DOCK8: variants seen among roughly 807,000 people sequenced by gnomAD.
DOCK8 encodes dedicator of cytokinesis 8, also known as dedicator of cytokinesis protein 8.
A neutral mutation model predicts 245.6 loss-of-function variants in DOCK8; 141 were observed. That is an observed-to-expected ratio of 0.57 (90% confidence interval 0.50 to 0.66). The LOEUF is 0.66. DOCK8 is among the 30% of genes least tolerant of loss of function. The probability of loss-of-function intolerance (pLI) is 0.00; values close to 1 mark genes in which losing one functional copy is unlikely to be tolerated. For missense variants in DOCK8, 2,965 were observed against 2,603.4 expected (o/e 1.14, Z -3.02); for synonymous variants, 1,168 against 970.2 (o/e 1.20, Z -3.79).
chr9:390,608 G>C, intron 24 of DOCK8, 42 bp downstream of exon 24: 2 of 1,572,314 alleles, frequency 1.3e-6, no homozygotes, highest in Non-Finnish European at 1.8e-6. Context: ...AATAGGCCAA[G>C]AGAAGCACAC....
chr9:443,699 T>C (rs925605996), intron 43 of DOCK8, among the ~76,000 whole-genome samples, 183 bp downstream of exon 43: 3 of 152,220 alleles, frequency 2.0e-5, no homozygotes, highest in Non-Finnish European at 4.4e-5. Flanking sequence ...AAGGCAGGAA[T>C]CATAATAGGA....
intron 4 of DOCK8, among the ~76,000 whole-genome samples, chr9:302,619 T>C (rs1264550662): frequency 2.0e-5 from 3 of 152,148 alleles, no homozygotes; most frequent in Non-Finnish European, 4.4e-5. Flanking sequence ...ATGTCTGATA[T>C]CCAGAATCTA....
At chr9:286,889 C>G (rs949512373) in intron 3 of DOCK8, among the ~76,000 whole-genome samples, 2 of 152,166 alleles carry the variant, frequency 1.3e-5, no homozygotes, top group African/African-American at 4.8e-5. Context: ...ATGAAATGCT[C>G]AAGAGGAGGT....
chr9:384,778 T>C (rs564818407), intron 22 of DOCK8, among the ~76,000 whole-genome samples: 18 of 152,078 alleles, frequency 1.2e-4, no homozygotes, highest in Non-Finnish European at 1.5e-4. Flanking sequence ...TAGCCGGGCG[T>C]GGTGGCGGGC....
intron 14 of DOCK8, among the ~76,000 whole-genome samples, chr9:354,962 C>A (rs987225536): frequency 1.4e-4 from 21 of 152,046 alleles, no homozygotes; most frequent in African/African-American, 4.1e-4. Context: ...TAGGTCTAGC[C>A]CACACTCAAA....
At chr9:275,415 A>T (rs903318509) in intron 2 of DOCK8, among the ~76,000 whole-genome samples, 1 of 152,168 alleles carries the variant, frequency 6.6e-6, no homozygotes, top group Admixed American at 6.5e-5. Context: ...AAGGCTGAGA[A>T]GACTTAGAGT....
At chr9:440,280 A>C (rs1372360324) in intron 40 of DOCK8, among the ~76,000 whole-genome samples, 1 of 152,194 alleles carries the variant, frequency 6.6e-6, no homozygotes, top group Non-Finnish European at 1.5e-5. Context: ...TTGGCCTCCC[A>C]AAGTGCTGGA....
intron 42 of DOCK8, among the ~76,000 whole-genome samples, chr9:442,660 C>G (rs1348012362): frequency 6.6e-6 from 1 of 152,134 alleles, no homozygotes; most frequent in Non-Finnish European, 1.5e-5. Context: ...TTATAAGGGC[C>G]AAACACTAAG....
At chr9:279,086 G>C (rs926500462) in intron 2 of DOCK8, among the ~76,000 whole-genome samples, 1 of 152,194 alleles carries the variant, frequency 6.6e-6, no homozygotes, top group Non-Finnish European at 1.5e-5. Flanking sequence ...AAAGTGGATA[G>C]GATTTTCTGA....
chr9:408,660 A>G (rs1586944839), intron 28 of DOCK8, among the ~76,000 whole-genome samples: 1 of 152,236 alleles, frequency 6.6e-6, no homozygotes, highest in Non-Finnish European at 1.5e-5. Flanking sequence ...TAATAGCAGT[A>G]CTTTAAGTGA....
chr9:443,441 A>G lies in DOCK8; in HGVS notation c.5505A>G (p.Gln1835=), dbSNP rs780008672. The G allele has an allele frequency of 1.1e-5, 18 of 1,613,998 alleles. No homozygotes were observed. The highest frequency in any genetic ancestry group is 5.5e-5 in the South Asian group (5 of 91,090). The part of the protein sequence containing the change: ...ISHRLEAFYG[Q]CFGAEFVEVI... Reference sequence around the variant, plus strand: ...TTCTTACCTAGGCATTTTATGGTCAATGTTTTGGTGCAGAATTTGTGGAAG... The same window carrying G: ...TTCTTACCTAGGCATTTTATGGTCAGTGTTTTGGTGCAGAATTTGTGGAAG... The change falls in exon 43 of 48, where the codon CAA becomes CAG. Residue 1835 remains glutamine, a synonymous_variant. Transcript: ENST00000432829.
intron 33 of DOCK8, among the ~76,000 whole-genome samples, chr9:423,275 A>G (rs906733685): frequency 3.9e-5 from 6 of 152,228 alleles, no homozygotes; most frequent in African/African-American, 1.2e-4. Context: ...GTGTATTGCT[A>G]TATATGCAAC....
intron 7 of DOCK8, among the ~76,000 whole-genome samples, chr9:323,684 C>G (rs571341230): frequency 9.2e-5 from 14 of 152,268 alleles, no homozygotes; most frequent in African/African-American, 3.4e-4. Flanking sequence ...CTCCCCAGCC[C>G]CTGGCAACTC....
intron 5 of DOCK8, among the ~76,000 whole-genome samples, chr9:308,150 G>A (rs2049933806): frequency 6.6e-6 from 1 of 152,176 alleles, no homozygotes. Flanking sequence ...ACTGTAAGGT[G>A]ACTAGAATTA....
intron 1 of DOCK8, among the ~76,000 whole-genome samples, chr9:231,241 G>T (rs531754753): frequency 7.9e-5 from 12 of 152,104 alleles, no homozygotes; most frequent in African/African-American, 2.7e-4. Context: ...TGAGGGCTCT[G>T]TTCTGTTCCA....
At position 370,263 on chromosome 9, in the gene DOCK8, C is replaced by T. The variant is rs373128465; in HGVS notation, c.1831C>T (p.Leu611=). 4 of 1,614,108 alleles carry T rather than the reference C, an allele frequency of 2.5e-6. No individual in the cohort carries two copies. Among genetic ancestry groups the T allele is most frequent in the Non-Finnish European group, 3.4e-6 (4 of 1,179,938 alleles). ...TGGAAAATCCAGCGGGCCTGAATTTCTGCAGGAAGTGTACACAGCTGTTAC... is the reference window on the plus strand; with the variant it reads ...TGGAAAATCCAGCGGGCCTGAATTTTTGCAGGAAGTGTACACAGCTGTTAC... The part of the protein sequence containing the change: ...IFGKSSGPEF[L]QEVYTAVTYH... The change falls in exon 16 of 48, where the codon CTG becomes TTG. Residue 611 remains leucine, a synonymous_variant. Coordinates refer to ENST00000432829, the MANE Select transcript of DOCK8 (RefSeq NM_203447.4).
chr9:398,250 A>G (rs931390184), intron 25 of DOCK8, among the ~76,000 whole-genome samples: 1 of 152,222 alleles, frequency 6.6e-6, no homozygotes, highest in Non-Finnish European at 1.5e-5. Flanking sequence ...TAAGGCACCC[A>G]GGAGGAGTGG....
chr9:214,522 G>T (rs1346668008), upstream of DOCK8: 1 of 1,612,992 alleles, frequency 6.2e-7, no homozygotes, highest in East Asian at 2.2e-5. Flanking sequence ...CGAATCCCTG[G>T]GGTGATTCCC....
intron 25 of DOCK8, 108 bp downstream of exon 25, chr9:397,042 CTG>C (rs2054495588): frequency 7.7e-7 from 1 of 1,291,898 alleles, no homozygotes; most frequent in Non-Finnish European, 1.1e-6. Flanking sequence ...TAAAATATAA[CTG>C]TAATGACAGT....
Sources: allele counts gnomAD v4.1 joint callset (sites outside exome capture counted in the v4.1 genomes callset), GRCh38; gene constraint gnomAD v4.1.1; transcripts MANE v1.5; gene names NCBI Gene and HGNC (gene_info 2026-07-23, HGNC 2026-07-21).